XYLT1: variants seen among roughly 807,000 people sequenced by gnomAD.
XYLT1 encodes the protein beta-D-xylosyltransferase 1.
Under a neutral mutation model 91.3 loss-of-function variants are expected in XYLT1, and 36 were observed. That is an observed-to-expected ratio of 0.39 (90% confidence interval 0.30 to 0.52). The LOEUF (loss-of-function observed/expected upper bound fraction) is 0.52. Ranked by LOEUF, XYLT1 falls within the 20% of genes least tolerant of loss-of-function variation. The probability of loss-of-function intolerance (pLI) is 0.68; values close to 1 mark genes in which losing one functional copy is unlikely to be tolerated. For missense variants in XYLT1, 1,242 were observed against 1,284.5 expected (o/e 0.97, Z 0.51); for synonymous variants, 588 against 532.0 (o/e 1.11, Z -1.45).
At chr16:17,328,546 C>A (rs1231879363) in intron 2 of XYLT1, among the ~76,000 whole-genome samples, 5 of 24,942 alleles carry the variant, frequency 2.0e-4, no homozygotes, top group African/African-American at 5.2e-4. Context: ...AAGACTCCTT[C>A]TCAAAAAAAA....
intron 1 of XYLT1, among the ~76,000 whole-genome samples, chr16:17,442,320 T>A (rs1473943323): frequency 2.0e-5 from 3 of 152,214 alleles, no homozygotes; most frequent in Non-Finnish European, 4.4e-5. Flanking sequence ...AAAGCTGTTA[T>A]CAAATTGATA....
intron 1 of XYLT1, among the ~76,000 whole-genome samples, chr16:17,456,705 G>A (rs570027612): frequency 6.6e-6 from 1 of 152,126 alleles, no homozygotes; most frequent in South Asian, 2.1e-4. Flanking sequence ...ACATCTTTCT[G>A]TGCGGCACAT....
intron 3 of XYLT1, among the ~76,000 whole-genome samples, chr16:17,234,695 A>AAAATAAATAAATAAATAAATAAAT (rs4071716): frequency 4.1e-5 from 6 of 146,936 alleles, no homozygotes; most frequent in African/African-American, 1.5e-4. Context: ...GCCATGTGAT[A>AAAATAAATAAATAAATAAATAAAT]AAATAAATAA....
intron 3 of XYLT1, among the ~76,000 whole-genome samples, chr16:17,246,764 T>C (rs1352011075): frequency 1.3e-5 from 2 of 152,152 alleles, no homozygotes; most frequent in East Asian, 3.9e-4. Context: ...GGGCTGGAGA[T>C]CCAGTGGTGG....
chr16:17,197,122 G>A (rs2032445253), intron 5 of XYLT1, among the ~76,000 whole-genome samples: 2 of 150,598 alleles, frequency 1.3e-5, no homozygotes, highest in African/African-American at 4.9e-5. Flanking sequence ...GGATCACCAC[G>A]ATCTGGCCTC....
At chr16:17,425,702 C>G (rs1339732805) in intron 1 of XYLT1, among the ~76,000 whole-genome samples, 1 of 152,190 alleles carries the variant, frequency 6.6e-6, no homozygotes, top group Admixed American at 6.5e-5. Flanking sequence ...TTATTCCACC[C>G]TGAATGGTTT....
intron 2 of XYLT1, among the ~76,000 whole-genome samples, chr16:17,321,249 C>G (rs904218459): frequency 1.3e-5 from 2 of 150,604 alleles, no homozygotes; most frequent in African/African-American, 4.9e-5. Flanking sequence ...CAAAGGATCT[C>G]ACAACTGCCC....
chr16:17,383,721 A>C (rs1257135969), intron 1 of XYLT1, among the ~76,000 whole-genome samples: 1 of 150,506 alleles, frequency 6.6e-6, no homozygotes, highest in Non-Finnish European at 1.5e-5. Context: ...GCTACTTTCT[A>C]TAATAGCTGT....
intron 3 of XYLT1, among the ~76,000 whole-genome samples, chr16:17,235,788 T>G (rs952133676): frequency 6.6e-6 from 1 of 152,190 alleles, no homozygotes; most frequent in Admixed American, 6.5e-5. Flanking sequence ...AAGTAACAGC[T>G]TTAGTCCAAA....
At chr16:17,188,809 G>A (rs2141576976) in intron 5 of XYLT1, among the ~76,000 whole-genome samples, 1 of 152,262 alleles carries the variant, frequency 6.6e-6, no homozygotes, top group East Asian at 1.9e-4. Context: ...ACCCTATGGG[G>A]TGGTGCCATT....
Position 17,368,144 on chromosome 16 carries a change from C to T in XYLT1, c.364-10094G>A, listed in dbSNP as rs546228049. 5.3e-4 allele frequency among the ~76,000 whole-genome samples: 81 copies of T among 152,204 alleles called. 2 individuals are homozygous for T. In the South Asian group the frequency reaches 0.013, roughly 25 times the overall value. On this transcript the variant is annotated intron_variant, in intron 1 of 11. Transcript: ENST00000261381. ...AACTGCCGACACAAACCACGGGGGG[C>T]GGAAAAAACGATCCCAGGAGGTGGG...
At chr16:17,193,760 C>G (rs939474795) in intron 5 of XYLT1, 3 of 152,222 alleles carry the variant, frequency 2.0e-5, no homozygotes, top group Non-Finnish European at 2.9e-5. Flanking sequence ...CAGATGGAAA[C>G]TGAAAACCTA....
At position 17,106,568 on chromosome 16, in the gene XYLT1, A is replaced by G. The variant is rs7187018; in HGVS notation, c.*2127T>C. The G allele has an allele frequency of 0.18, 27,417 of 152,172 alleles. 7,673 individuals carry two copies. The highest frequency in any genetic ancestry group is 0.6 in the African/African-American group (24,790 of 41,444). The allele number at this position is 152,172 out of a possible 1,614,324, so 9.4% of individuals were successfully genotyped here. On this transcript the variant is annotated 3_prime_UTR_variant, in exon 12 of 12. Transcript: ENST00000261381. ...TGTTTCCCTCTGTTAAGGTCGCATG[A>G]ATGCCCATAATTAGATGGGCCATGG...
chr16:17,177,314 C>T (rs1473827021), intron 5 of XYLT1, among the ~76,000 whole-genome samples: 3 of 152,116 alleles, frequency 2.0e-5, no homozygotes, highest in Non-Finnish European at 4.4e-5. Flanking sequence ...TTGCTTGAGA[C>T]GTGGTTATGG....
At position 17,108,665 on chromosome 16, in the gene XYLT1, C is replaced by T; in HGVS notation, c.*30G>A. ...CCTCTGGCTGCTTTCCCGTTGAGATCCTGCTGTGGCCCACTCCTCGTGCCC... is the reference window on the plus strand; with the variant it reads ...CCTCTGGCTGCTTTCCCGTTGAGATTCTGCTGTGGCCCACTCCTCGTGCCC... On this transcript the variant is annotated 3_prime_UTR_variant, in exon 12 of 12. Coordinates refer to ENST00000261381, the MANE Select transcript of XYLT1 (RefSeq NM_022166.4). The T allele has an allele frequency of 6.6e-7, 1 of 1,525,788 alleles. No homozygotes were observed. The highest frequency in any genetic ancestry group is 8.8e-7 in the Non-Finnish European group (1 of 1,137,960). 94.5% of individuals were successfully genotyped at this position (1,525,788 alleles called of 1,614,324 possible).
At chr16:17,269,635 G>A (rs902783641) in intron 2 of XYLT1, among the ~76,000 whole-genome samples, 1 of 152,064 alleles carries the variant, frequency 6.6e-6, no homozygotes, top group East Asian at 1.9e-4. Flanking sequence ...CCCAGCCTCT[G>A]TAAGAGAGCA....
chr16:17,223,089 T>C (rs545416687), intron 3 of XYLT1, among the ~76,000 whole-genome samples: 1 of 151,966 alleles, frequency 6.6e-6, no homozygotes, highest in East Asian at 1.9e-4. Flanking sequence ...TCTCTGTCTC[T>C]TTCGTGCAAG....
intron 1 of XYLT1, among the ~76,000 whole-genome samples, chr16:17,406,606 AT>A (rs535199818): frequency 5.9e-5 from 9 of 152,232 alleles, no homozygotes; most frequent in Non-Finnish European, 1.2e-4. Context: ...GAGTCATTTG[AT>A]CATCTGGAAA....
rs1966759636 is a variant in XYLT1, at chr16:17,105,320, T to C, written c.*3375A>G. The C allele has an allele frequency of 6.6e-6, 1 of 152,202 alleles. No individual in the cohort carries two copies. Among genetic ancestry groups the C allele is most frequent in the Non-Finnish European group, 1.5e-5 (1 of 68,032 alleles). The allele number at this position is 152,202 out of a possible 1,614,324, so 9.4% of individuals were successfully genotyped here. On this transcript the variant is annotated 3_prime_UTR_variant, in exon 12 of 12. Transcript: ENST00000261381. ...GCAGTGAGTGAGAGATGGGGGCAGG[T>C]CCTGTGGTTCTGCTCATCCTCTCTA...
Sources: gnomAD v4.1 joint callset for allele counts (sites outside exome capture counted in the v4.1 genomes callset) on GRCh38, gnomAD v4.1.1 for gene constraint, MANE v1.5 for transcripts, NCBI Gene and HGNC (gene_info 2026-07-23, HGNC 2026-07-21) for gene names.